MACROD2: variants seen among roughly 807,000 people sequenced by gnomAD.
The protein encoded by MACROD2 is ADP-ribose glycohydrolase MACROD2.
MACROD2 carries 36 observed loss-of-function variants against 70.4 expected under a neutral mutation model. That is an observed-to-expected ratio of 0.51 (90% CI 0.39 to 0.68). The LOEUF (loss-of-function observed/expected upper bound fraction) is 0.68. MACROD2 is among the 30% of genes least tolerant of loss of function. The probability of loss-of-function intolerance (pLI) is 0.00; values close to 1 mark genes in which losing one functional copy is unlikely to be tolerated. For missense variants in MACROD2, 496 were observed against 538.4 expected (o/e 0.92, Z 0.78); for synonymous variants, 172 against 178.8 (o/e 0.96, Z 0.30).
chr20:14,152,031 C>T (rs1469943873), intron 3 of MACROD2, among the ~76,000 whole-genome samples: 3 of 151,682 alleles, frequency 2.0e-5, no homozygotes, highest in African/African-American at 7.3e-5. Context: ...CTGTGTTAGC[C>T]AGGATGGTCT....
intron 3 of MACROD2, among the ~76,000 whole-genome samples, chr20:14,315,322 A>G (rs938066988): frequency 6.6e-6 from 1 of 152,260 alleles, no homozygotes; most frequent in Non-Finnish European, 1.5e-5. Flanking sequence ...CTACATTTGC[A>G]GAGTGGCTTA....
Position 14,600,333 on chromosome 20 carries a change from TATATATATATAC to T in MACROD2, c.302-84508_302-84497del, listed in dbSNP as rs1175486394. On this transcript the variant is annotated intron_variant, in intron 4 of 17. Coordinates refer to ENST00000684519, the MANE Select transcript of MACROD2 (RefSeq NM_001351661.2). ...AGTATGTAATATGCAGCTACATATA[TATATATATATAC>T]ACACACACACACACACACACAAATA... 1.4e-5 allele frequency among the ~76,000 whole-genome samples: 2 copies of T among 143,952 alleles called. 1 individual carries two copies. The highest frequency in any genetic ancestry group is 4.0e-4 in the East Asian group (2 of 4,966). 94.4% of individuals were successfully genotyped at this position (143,952 alleles called of 152,430 possible).
intron 3 of MACROD2, among the ~76,000 whole-genome samples, chr20:14,418,647 A>G (rs928515512): frequency 6.6e-6 from 1 of 152,202 alleles, no homozygotes; most frequent in Non-Finnish European, 1.5e-5. Context: ...CAAACTTTAT[A>G]TTCTTATTTG....
At chr20:14,846,027 G>A (rs1222260935) in intron 5 of MACROD2, among the ~76,000 whole-genome samples, 1 of 151,960 alleles carries the variant, frequency 6.6e-6, no homozygotes, top group African/African-American at 2.4e-5. Flanking sequence ...TTATCCAGGT[G>A]TTCTATGGCT....
chr20:14,031,646 T>C (rs530453464), intron 2 of MACROD2, among the ~76,000 whole-genome samples: 1 of 152,180 alleles, frequency 6.6e-6, no homozygotes, highest in Non-Finnish European at 1.5e-5. Context: ...TATATTTTGT[T>C]GTATTTTTAT....
chr20:14,033,962 T>TTTGATTTA (rs71335942), intron 2 of MACROD2, among the ~76,000 whole-genome samples: 2 of 150,062 alleles, frequency 1.3e-5, no homozygotes, highest in Non-Finnish European at 3.0e-5. Context: ...CCTATTTTTA[T>TTTGATTTA]TTTATTTATT....
chr20:15,066,374 T>A (rs2075575394), intron 5 of MACROD2, among the ~76,000 whole-genome samples: 1 of 151,586 alleles, frequency 6.6e-6, no homozygotes, highest in Non-Finnish European at 1.5e-5. Context: ...CCTCAGGTGA[T>A]CTGCCCACCT....
rs922436092 is a variant in MACROD2 at position 14,502,593 on chromosome 20, C to T, written c.301+9085C>T. 3.3e-5 allele frequency among the ~76,000 whole-genome samples: 5 copies of T among 152,072 alleles called. No individual in the cohort carries two copies. The South Asian group carries it at 1.0e-3, about 32-fold the overall frequency. ...TTGCCCACTGTAAAATGTTGTTGAA[C>T]TACAAAGTGTTAGATAAATGAGTAT... On this transcript the variant is annotated intron_variant, in intron 4 of 17. Transcript: ENST00000684519.
intron 15 of MACROD2, among the ~76,000 whole-genome samples, chr20:16,002,022 G>A (rs971219272): frequency 6.7e-6 from 1 of 149,046 alleles, no homozygotes; most frequent in Non-Finnish European, 1.5e-5. Flanking sequence ...GATAAATATA[G>A]TTATATAATA....
chr20:15,459,549 G>T (rs964147073), intron 7 of MACROD2, among the ~76,000 whole-genome samples: 6 of 152,038 alleles, frequency 3.9e-5, no homozygotes, highest in African/African-American at 1.2e-4. Flanking sequence ...ATCCAAGAAG[G>T]TTTCAGTCTT....
intron 16 of MACROD2, among the ~76,000 whole-genome samples, chr20:16,043,932 A>C (rs1278711818): frequency 6.6e-6 from 1 of 152,076 alleles, no homozygotes; most frequent in Non-Finnish European, 1.5e-5. Context: ...TGTCAACCCA[A>C]AAATCTGGTC....
chr20:16,049,551 C>T (rs775126), intron 17 of MACROD2, among the ~76,000 whole-genome samples: 97,011 of 151,990 alleles, frequency 0.64, 31,374 homozygotes, highest in Non-Finnish European at 0.7. Context: ...CAGTTTTCAA[C>T]GAATACTTTG....
At chr20:15,963,388 T>A (rs1281145567) in intron 12 of MACROD2, among the ~76,000 whole-genome samples, 1 of 152,212 alleles carries the variant, frequency 6.6e-6, no homozygotes, top group Non-Finnish European at 1.5e-5. Flanking sequence ...TTAGACCACC[T>A]AGCTTGAATA....
At chr20:14,863,882 C>G (rs758833435) in intron 5 of MACROD2, among the ~76,000 whole-genome samples, 2 of 152,106 alleles carry the variant, frequency 1.3e-5, no homozygotes, top group Non-Finnish European at 2.9e-5. Flanking sequence ...CTTACAAACT[C>G]TAAACTCACT....
intron 4 of MACROD2, among the ~76,000 whole-genome samples, chr20:14,527,985 T>C (rs1438218571): frequency 6.6e-6 from 1 of 152,198 alleles, no homozygotes; most frequent in Non-Finnish European, 1.5e-5. Context: ...GAAATGGGAC[T>C]AGGCTTGCTT....
At chr20:15,909,322 C>A (rs1266537222) in intron 10 of MACROD2, among the ~76,000 whole-genome samples, 1 of 152,076 alleles carries the variant, frequency 6.6e-6, no homozygotes, top group East Asian at 1.9e-4. Flanking sequence ...GTTATTTTTA[C>A]CACATTCTAT....
At chr20:14,285,582 T>G (rs2082337143) in intron 3 of MACROD2, among the ~76,000 whole-genome samples, 1 of 151,224 alleles carries the variant, frequency 6.6e-6, no homozygotes, top group Admixed American at 6.6e-5. Flanking sequence ...GCCTCTTAAA[T>G]GGAGAGTAAA....
At chr20:15,263,882 G>T (rs1371996016) in intron 6 of MACROD2, among the ~76,000 whole-genome samples, 1 of 151,976 alleles carries the variant, frequency 6.6e-6, no homozygotes, top group Non-Finnish European at 1.5e-5. Context: ...TGTTGATTTT[G>T]TATCCTGAAA....
Position 13,995,842 on chromosome 20 carries a change from C to T in MACROD2, c.46+33C>T. The T allele has an allele frequency of 5.9e-6, 2 of 341,004 alleles. No homozygotes were observed. Among genetic ancestry groups the T allele is most frequent in the Admixed American group, 8.2e-5 (2 of 24,370 alleles). 21.1% of individuals were successfully genotyped at this position (341,004 alleles called of 1,614,324 possible). On this transcript the variant is annotated intron_variant, in intron 1 of 17. Coordinates refer to ENST00000684519, the MANE Select transcript of MACROD2 (RefSeq NM_001351661.2). This position sits in a 1 kb window ranked among gnomAD's most constrained non-coding sequence, Gnocchi z 4.3. ...GCCCGTCGAGTCCTGGGGGTGCGGG[C>T]GGTGGGGGTTAGGGTGGGGGCGGGG...
Sources: gnomAD v4.1 joint callset for allele counts (sites outside exome capture counted in the v4.1 genomes callset) on GRCh38, gnomAD v4.1.1 for gene constraint, Gnocchi (gnomAD v3.1) non-coding constraint, MANE v1.5 for transcripts, NCBI Gene and HGNC (gene_info 2026-07-23, HGNC 2026-07-21) for gene names.